Variants in BRCA1 observed in about 807,000 individuals in gnomAD.
BRCA1 encodes BRCA1 DNA repair associated.
BRCA1 carries 140 observed loss-of-function variants against 173.7 expected under a neutral mutation model. The observed-to-expected ratio is 0.81, with a 90% confidence interval of 0.70 to 0.93. The LOEUF (loss-of-function observed/expected upper bound fraction) is 0.93, where lower values mean the gene tolerates loss of function less well. Ranked by LOEUF, BRCA1 falls within the 40% of genes least tolerant of loss-of-function variation. The pLI is 0.00. For missense variants in BRCA1, 1,983 were observed against 2,172.5 expected (o/e 0.91, Z 1.73); for synonymous variants, 662 against 756.0 (o/e 0.88, Z 2.04).
chr17:43,061,606 AG>A, intron 18 of BRCA1, among the ~76,000 whole-genome samples: 1 of 150,798 alleles, frequency 6.6e-6, no homozygotes, highest in Non-Finnish European at 1.5e-5. Context: ...TTTTTAAGAC[AG>A]GGTCTCATTC....
intron 1 of BRCA1, chr17:43,132,838 A>G (rs1322642960): frequency 1.3e-5 from 2 of 150,874 alleles, no homozygotes; most frequent in Admixed American, 6.6e-5. Flanking sequence ...ATCTTGGCTC[A>G]CTGCAAGCTC....
Position 43,091,201 on chromosome 17 carries a change from A to G in BRCA1, c.4097-169T>C, listed in dbSNP as rs892864520. The G allele has an allele frequency of 5.0e-5, 43 of 867,040 alleles. No homozygotes were observed. The African/African-American group carries it at 7.0e-4, about 14-fold the overall frequency. The allele number at this position is 867,040 out of a possible 1,614,324, so 53.7% of individuals were successfully genotyped here. ...ATTTGCTTTTATAAAATGAAACCAG[A>G]AGTAAGTCCACCAGTAATTAGGATG... On this transcript the variant is annotated intron_variant, in intron 10 of 22. Transcript: ENST00000357654.
Position 43,144,896 on chromosome 17 carries a change from G to A in BRCA1, c.-19-20781C>T, listed in dbSNP as rs564807842. 9.5e-3 allele frequency: 5,154 copies of A among 543,262 alleles called. 41 individuals carry two copies. Among genetic ancestry groups the A allele is most frequent in the Non-Finnish European group, 0.012 (3,277 of 278,860 alleles). 33.7% of individuals were successfully genotyped at this position (543,262 alleles called of 1,614,324 possible). On this transcript the variant is annotated intron_variant, in intron 1 of 7. Transcript: ENST00000634433. ...CAGCGGCCAGGCAGCCCAGCTTCGC[G>A]AAGGCTGTAGGCACACCGCGGCCAG...
rs55639854 is a variant in BRCA1 at position 43,091,500 on chromosome 17, T to C, written c.4031A>G (p.Asp1344Gly). The change falls in exon 10 of 23, where the codon GAT (aspartate) becomes GGT (glycine). Residue 1344 changes from aspartate to glycine, a missense_variant. Transcript: ENST00000357654. ...TTCCAAGCCCGTTCCTCTTTCTTCA[T>C]CATCTGAAACCAATTCCTTGTCACT... Reference protein sequence around the residue: ...GLSDKELVSDDEERGTGLEEN... With the variant: ...GLSDKELVSDGEERGTGLEEN... The C allele has an allele frequency of 2.5e-6, 4 of 1,613,426 alleles. No individual in the cohort carries two copies. The highest frequency in any genetic ancestry group is 3.4e-6 in the Non-Finnish European group (4 of 1,179,612).
At chr17:43,074,999 GAAGA>G (rs1053847067) in intron 13 of BRCA1, among the ~76,000 whole-genome samples, 4 of 149,014 alleles carry the variant, frequency 2.7e-5, no homozygotes, top group Non-Finnish European at 5.9e-5. Context: ...GGAAAGAAAG[GAAGA>G]AAGGAAAGAA....
intron 11 of BRCA1, among the ~76,000 whole-genome samples, chr17:43,085,912 C>T (rs2053211855): frequency 1.3e-5 from 2 of 152,076 alleles, no homozygotes; most frequent in Non-Finnish European, 2.9e-5. Context: ...AATGTTCCTA[C>T]TACTACATAA....
intron 1 of BRCA1, chr17:43,145,083 A>T: frequency 1.2e-6 from 1 of 810,446 alleles, no homozygotes; most frequent in African/African-American, 1.7e-5. Context: ...GCAGCGAAGG[A>T]TAAATTTTCA....
chr17:43,073,375 A>G (rs749294233), intron 14 of BRCA1, among the ~76,000 whole-genome samples: 1 of 152,202 alleles, frequency 6.6e-6, no homozygotes, highest in Non-Finnish European at 1.5e-5. Context: ...CAGAGATGTC[A>G]TCCTTGAAAC....
Position 43,104,109 on chromosome 17 carries a change from C to T in BRCA1, c.441+13G>A, listed in dbSNP as rs1057520408. ...AAGAAGAAGAAGAAGAAGAAGAAAA[C>T]AAATGGTTTTACCAAGGAAGGATTT... On this transcript the variant is annotated intron_variant, in intron 6 of 22. Transcript: ENST00000357654. The T allele has an allele frequency of 1.9e-6, 3 of 1,595,930 alleles. No homozygotes were observed. The highest frequency in any genetic ancestry group is 1.7e-6 in the Non-Finnish European group (2 of 1,170,010).
At chr17:43,152,631 G>A (rs1418030899) in intron 1 of BRCA1, among the ~76,000 whole-genome samples, 1 of 152,082 alleles carries the variant, frequency 6.6e-6, no homozygotes, top group Non-Finnish European at 1.5e-5. Flanking sequence ...GAGGTGGGCG[G>A]ATCACAAGGT....
At chr17:43,082,982 A>G (rs964369181) in intron 11 of BRCA1, among the ~76,000 whole-genome samples, 2 of 152,156 alleles carry the variant, frequency 1.3e-5, no homozygotes, top group African/African-American at 4.8e-5. Context: ...TTCATCAGAC[A>G]TTTAGGTTAG....
At chr17:43,110,554 CTCCAG>C (rs1400429598) in intron 3 of BRCA1, 1 of 442,720 alleles carries the variant, frequency 2.3e-6, no homozygotes, top group Non-Finnish European at 4.5e-6. Flanking sequence ...CACCACTGTA[CTCCAG>C]CTGGGACAAC....
intron 2 of BRCA1, among the ~76,000 whole-genome samples, chr17:43,120,589 C>T (rs1290073777): frequency 2.0e-5 from 3 of 151,602 alleles, no homozygotes; most frequent in Non-Finnish European, 4.4e-5. Context: ...CACGGTGAAA[C>T]CCCGTCTCTA....
At chr17:43,051,944 T>C (rs1338981079) in intron 19 of BRCA1, among the ~76,000 whole-genome samples, 3 of 152,150 alleles carry the variant, frequency 2.0e-5, no homozygotes, top group African/African-American at 2.4e-5. Context: ...CCTCTCTGAC[T>C]TTCTTCTAGC....
intron 13 of BRCA1, among the ~76,000 whole-genome samples, chr17:43,075,093 A>G (rs2052652735): frequency 6.7e-6 from 1 of 149,276 alleles, no homozygotes; most frequent in Non-Finnish European, 1.5e-5. Flanking sequence ...GGAAAGGAAG[A>G]AAGAAAGGAG....
intron 18 of BRCA1, among the ~76,000 whole-genome samples, chr17:43,059,873 T>C (rs941415593): frequency 6.6e-6 from 1 of 152,108 alleles, no homozygotes; most frequent in African/African-American, 2.4e-5. Context: ...ACACATAATT[T>C]GCAAATTACT....
At chr17:43,053,616 G>A (rs1042976325) in intron 19 of BRCA1, among the ~76,000 whole-genome samples, 2 of 151,668 alleles carry the variant, frequency 1.3e-5, no homozygotes, top group African/African-American at 2.4e-5. Flanking sequence ...GTAGTGAGCC[G>A]AGACGGCGCC....
chr17:43,102,332 A>G (rs2054514489), intron 6 of BRCA1, among the ~76,000 whole-genome samples: 1 of 144,116 alleles, frequency 6.9e-6, no homozygotes, highest in African/African-American at 2.6e-5. Context: ...CGGCCTCCCA[A>G]AGTGCTGGGA....
chr17:43,063,506 C>T (rs762444270), intron 17 of BRCA1, 133 bp from the exon 18 acceptor site: 95 of 760,436 alleles, frequency 1.2e-4, no homozygotes, highest in Admixed American at 2.5e-4. Flanking sequence ...TCTAAAGCCA[C>T]AGCCCTTTAA....
Sources: allele counts gnomAD v4.1 joint callset (sites outside exome capture counted in the v4.1 genomes callset), GRCh38; gene constraint gnomAD v4.1.1; transcripts MANE v1.5; gene names NCBI Gene and HGNC (gene_info 2026-07-23, HGNC 2026-07-21).